Variants in KIAA1549L observed in about 807,000 individuals in gnomAD.
KIAA1549L encodes the protein UPF0606 protein KIAA1549L.
Under a neutral mutation model 160.7 loss-of-function variants are expected in KIAA1549L, and 88 were observed. The ratio of observed to expected loss-of-function variants is 0.55; its 90% CI spans 0.46 to 0.65. The LOEUF (loss-of-function observed/expected upper bound fraction) is 0.65, where lower values mean the gene tolerates loss of function less well. KIAA1549L is among the 30% of genes least tolerant of loss of function. The pLI, the probability that KIAA1549L is intolerant of heterozygous loss-of-function variation, is 0.00. For synonymous variants in KIAA1549L, 950 were observed against 976.7 expected (o/e 0.97, Z 0.51); for missense variants, 2,258 against 2,437.5 (o/e 0.93, Z 1.55).
chr11:33,589,205 A>C (rs1173617786), intron 11 of KIAA1549L, among the ~76,000 whole-genome samples: 1 of 152,250 alleles, frequency 6.6e-6, no homozygotes, highest in South Asian at 2.1e-4. Context: ...TCAAAACCAC[A>C]ATGAGATATC....
chr11:33,435,810 A>ATGTGTG, intron 1 of KIAA1549L, among the ~76,000 whole-genome samples: 1 of 27,200 alleles, frequency 3.7e-5, no homozygotes, highest in East Asian at 1.9e-3. Flanking sequence ...ATATATATAT[A>ATGTGTG]TGTGTGTGTA....
At position 33,544,838 on chromosome 11, in the gene KIAA1549L, C is replaced by G. The variant is rs183096425; in HGVS notation, c.2845C>G (p.Pro949Ala). The G allele has an allele frequency of 1.9e-6, 3 of 1,613,004 alleles. No individual in the cohort carries two copies. The highest frequency in any genetic ancestry group is 2.5e-6 in the Non-Finnish European group (3 of 1,179,144). ...AVTLFLRKSS[P>A]PALSAALVAK... ...CACATTGTTTCTGAGGAAATCAAGTCCACCTGCACTGTCTGCAGCCCTGGT... is the reference window on the plus strand; with the variant it reads ...CACATTGTTTCTGAGGAAATCAAGTGCACCTGCACTGTCTGCAGCCCTGGT... The change falls in exon 3 of 21, where the codon CCA (proline) becomes GCA (alanine). Residue 949 changes from proline (P) to alanine (A), a missense_variant. Physicochemically the swap from Pro to Ala is conservative, Grantham distance 27. Around this residue, in one of 6 missense-constraint regions of KIAA1549L, gnomAD observed 41 missense variants for 79.8 expected, o/e 0.51. Coordinates refer to ENST00000658780, the MANE Select transcript of KIAA1549L (RefSeq NM_012194.3).
intron 1 of KIAA1549L, among the ~76,000 whole-genome samples, chr11:33,516,021 C>T (rs1240210501): frequency 6.6e-6 from 1 of 152,238 alleles, no homozygotes; most frequent in Non-Finnish European, 1.5e-5. Flanking sequence ...TTCTGTACTA[C>T]AGCACCCAAG....
chr11:33,425,355 C>A (rs61887170), intron 1 of KIAA1549L, among the ~76,000 whole-genome samples: 29,473 of 152,054 alleles, frequency 0.19, 2,978 homozygotes, highest in East Asian at 0.31. Flanking sequence ...GTACTTGCAG[C>A]AAATAAAGTG....
intron 1 of KIAA1549L, among the ~76,000 whole-genome samples, chr11:33,456,217 C>A (rs1851816751): frequency 6.6e-6 from 1 of 152,108 alleles, no homozygotes; most frequent in African/African-American, 2.4e-5. Flanking sequence ...TTACAGAACT[C>A]CAATCGATGA....
intron 15 of KIAA1549L, among the ~76,000 whole-genome samples, chr11:33,614,582 A>T (rs1241038782): frequency 0.088 from 502 of 5,704 alleles, 69 homozygotes; most frequent in African/African-American, 0.23. Flanking sequence ...ATATATATAT[A>T]TATTTTTTTT....
intron 6 of KIAA1549L, among the ~76,000 whole-genome samples, chr11:33,558,811 T>G (rs1212529529): frequency 6.6e-6 from 1 of 151,962 alleles, no homozygotes; most frequent in African/African-American, 2.4e-5. Context: ...AAGAACATAC[T>G]CTATATTTCT....
At chr11:33,469,003 T>C (rs930263607) in intron 1 of KIAA1549L, among the ~76,000 whole-genome samples, 33 of 152,222 alleles carry the variant, frequency 2.2e-4, no homozygotes, top group African/African-American at 7.7e-4. Flanking sequence ...GAGGGTTTGC[T>C]TGCTTGTTGG....
intron 14 of KIAA1549L, among the ~76,000 whole-genome samples, chr11:33,608,534 A>C (rs1174611669): frequency 6.6e-6 from 1 of 152,268 alleles, no homozygotes; most frequent in African/African-American, 2.4e-5. Context: ...ATGCATTGAT[A>C]ACTGCTGTTG....
At chr11:33,478,399 C>T (rs940748554) in intron 1 of KIAA1549L, among the ~76,000 whole-genome samples, 6 of 152,222 alleles carry the variant, frequency 3.9e-5, no homozygotes, top group Non-Finnish European at 8.8e-5. Flanking sequence ...ACAGATTGGC[C>T]TGAACCCGTT....
intron 16 of KIAA1549L, among the ~76,000 whole-genome samples, chr11:33,619,937 C>G (rs774352241): frequency 5.0e-4 from 76 of 152,304 alleles, no homozygotes; most frequent in Middle Eastern, 3.4e-3. Context: ...CCTTCTTCCT[C>G]GATGCTTATT....
intron 1 of KIAA1549L, among the ~76,000 whole-genome samples, chr11:33,391,970 A>C (rs946457666): frequency 1.3e-5 from 2 of 152,242 alleles, no homozygotes; most frequent in African/African-American, 4.8e-5. Context: ...AACATTTATG[A>C]GACAGCTATT....
chr11:33,537,882 A>G (rs1428150452), intron 1 of KIAA1549L, among the ~76,000 whole-genome samples: 5 of 152,226 alleles, frequency 3.3e-5, no homozygotes, highest in African/African-American at 4.8e-5. Flanking sequence ...TCAAGAATGT[A>G]TATTTATCTT....
chr11:33,489,463 A>G (rs976839049), intron 1 of KIAA1549L, among the ~76,000 whole-genome samples: 2 of 152,202 alleles, frequency 1.3e-5, no homozygotes, highest in Non-Finnish European at 2.9e-5. Context: ...TAGGGCTTCA[A>G]TGTATGGATT....
intron 1 of KIAA1549L, among the ~76,000 whole-genome samples, chr11:33,418,271 C>T (rs920394303): frequency 7.2e-5 from 11 of 152,276 alleles, no homozygotes; most frequent in Non-Finnish European, 7.3e-5. Context: ...GAACAGACAC[C>T]GCCTGATGTC....
intron 13 of KIAA1549L, among the ~76,000 whole-genome samples, chr11:33,603,804 C>CA (rs1197577650): frequency 0.019 from 2,561 of 133,500 alleles, 38 homozygotes; most frequent in African/African-American, 0.039. Flanking sequence ...AAGACTCCAC[C>CA]AAAAAAAAAA....
rs368293959 is a variant in KIAA1549L at position 33,653,731 on chromosome 11, A to AT, written c.5761-2279dup. The stretch of plus-strand genomic sequence containing the variant: ...GGTTAGCTGCATGTTAGACCTGCTC[A>AT]TTCCATCCTCTGTGTCTTGTATTTC... On this transcript the variant is annotated intron_variant, in intron 17 of 20. Transcript: ENST00000658780. 1.4e-3 allele frequency among the ~76,000 whole-genome samples: 212 copies of AT among 152,144 alleles called. 2 individuals carry two copies. Among genetic ancestry groups the AT allele is most frequent in the African/African-American group, 5.0e-3 (206 of 41,478 alleles).
chr11:33,559,130 G>T (rs964698166), intron 6 of KIAA1549L, among the ~76,000 whole-genome samples: 2 of 152,084 alleles, frequency 1.3e-5, no homozygotes, highest in African/African-American at 4.8e-5. Context: ...GAGCCACCGT[G>T]CCCGGCCTCT....
chr11:33,401,570 C>CT (rs1184407188), intron 1 of KIAA1549L, among the ~76,000 whole-genome samples: 41 of 144,028 alleles, frequency 2.8e-4, no homozygotes, highest in Middle Eastern at 3.5e-3. Flanking sequence ...TCTGTCCTAG[C>CT]TTTTTTTTTT....
Sources: gnomAD v4.1 joint callset for allele counts (sites outside exome capture counted in the v4.1 genomes callset) on GRCh38, gnomAD v4.1.1 for gene constraint, gnomAD v4.1.1 regional missense constraint, MANE v1.5 for transcripts, NCBI Gene and HGNC (gene_info 2026-07-23, HGNC 2026-07-21) for gene names.